The following GPM6A variants were observed in gnomAD, a reference collection of about 807,000 sequenced individuals.
GPM6A encodes glycoprotein M6A, also known as neuronal membrane glycoprotein M6-a.
A neutral mutation model predicts 32.1 loss-of-function variants in GPM6A; 7 were observed. The observed-to-expected ratio is 0.22, with a 90% CI of 0.12 to 0.41. The LOEUF is 0.41. Among genes scored for constraint, GPM6A ranks in the 10% least tolerant of loss-of-function variants. The probability of loss-of-function intolerance (pLI) is 1.00; values close to 1 mark genes in which losing one functional copy is unlikely to be tolerated. For synonymous variants in GPM6A, 130 were observed against 123.4 expected (o/e 1.05, Z -0.35); for missense variants, 235 against 347.2 (o/e 0.68, Z 2.57).
intron 1 of GPM6A, among the ~76,000 whole-genome samples, chr4:175,880,959 G>T (rs922331832): frequency 6.6e-6 from 1 of 152,012 alleles, no homozygotes; most frequent in Non-Finnish European, 1.5e-5. Flanking sequence ...TCCCCGTCTT[G>T]TGCCAGTGGC....
At chr4:175,750,724 T>C (rs1243232677) in intron 1 of GPM6A, among the ~76,000 whole-genome samples, 4 of 151,954 alleles carry the variant, frequency 2.6e-5, no homozygotes, top group Non-Finnish European at 5.9e-5. Flanking sequence ...AGGCATGTGC[T>C]ACCATGCCCA....
At position 175,633,555 on chromosome 4, in the gene GPM6A, C is replaced by T. The variant is rs868292835; in HGVS notation, c.*1350G>A. ...TAGTTTTATACACTGAAAAAAATGT[C>T]TTGTCAGGCTACATCATTTTAGAAG... On this transcript the variant is annotated 3_prime_UTR_variant, in exon 7 of 7. Transcript: ENST00000393658. 45 of 152,514 alleles carry T rather than the reference C, an allele frequency of 3.0e-4. No homozygotes were observed. Among genetic ancestry groups the T allele is most frequent in the African/African-American group, 1.0e-3 (43 of 41,524 alleles). 9.4% of individuals were successfully genotyped at this position (152,514 alleles called of 1,614,324 possible). A position where few individuals can be genotyped will look rare whatever the true frequency, so the allele number is the denominator to read the frequency against.
intron 1 of GPM6A, among the ~76,000 whole-genome samples, chr4:175,760,117 A>C (rs1378675799): frequency 1.3e-5 from 2 of 152,178 alleles, no homozygotes. Flanking sequence ...TGGAGGTTGC[A>C]GTGAGCGGAG....
chr4:175,932,215 T>C (rs1255876297), intron 1 of GPM6A, among the ~76,000 whole-genome samples: 1 of 152,160 alleles, frequency 6.6e-6, no homozygotes, highest in African/African-American at 2.4e-5. Flanking sequence ...TTGCCAGTAC[T>C]ATAGTATTAG....
intron 1 of GPM6A, among the ~76,000 whole-genome samples, chr4:175,776,043 C>A (rs1181063649): frequency 1.3e-5 from 2 of 152,178 alleles, no homozygotes; most frequent in African/African-American, 2.4e-5. Context: ...CCTGACATCA[C>A]TATTAATTTG....
chr4:175,947,383 A>G (rs1021233628), intron 1 of GPM6A, among the ~76,000 whole-genome samples: 1 of 152,064 alleles, frequency 6.6e-6, no homozygotes, highest in African/African-American at 2.4e-5. Flanking sequence ...TCTTAAGTAC[A>G]ATATTAAGTA....
intron 1 of GPM6A, among the ~76,000 whole-genome samples, chr4:175,950,655 A>AT (rs914228811): frequency 2.0e-5 from 3 of 152,094 alleles, no homozygotes; most frequent in African/African-American, 4.8e-5. Context: ...GGGCAGTGCT[A>AT]TTTTTTGCTG....
In GPM6A at chr4:175,676,637, G is replaced by A. The variant is rs535267617; in HGVS notation, c.231-2801C>T. Among the ~76,000 whole-genome samples, 6 of 152,264 alleles carry A rather than the reference G, an allele frequency of 3.9e-5. No individual in the cohort carries two copies. The South Asian group carries it at 1.0e-3, about 26-fold the overall frequency. ...GGCAGAAGGCTGTAGTCCTAGCTAC[G>A]TGGGAGGCTGAAGCTGCAGTATTGT... is the stretch of plus-strand genomic sequence containing the variant. On this transcript the variant is annotated intron_variant, in intron 2 of 6. Transcript: ENST00000393658.
chr4:175,938,408 G>C (rs539617191), intron 1 of GPM6A, among the ~76,000 whole-genome samples: 3 of 152,146 alleles, frequency 2.0e-5, no homozygotes, highest in Non-Finnish European at 4.4e-5. Context: ...AGCCGCGCCA[G>C]CATCTGTTGT....
intron 1 of GPM6A, among the ~76,000 whole-genome samples, chr4:175,978,004 C>T (rs1740711015): frequency 6.6e-6 from 1 of 152,178 alleles, no homozygotes; most frequent in Non-Finnish European, 1.5e-5. Context: ...ATTTTCCAAA[C>T]ATTTAAAAGT....
At chr4:175,691,471 A>G (rs555604447) in intron 2 of GPM6A, among the ~76,000 whole-genome samples, 2 of 152,332 alleles carry the variant, frequency 1.3e-5, no homozygotes, top group South Asian at 4.1e-4. Flanking sequence ...TTCACTGTTT[A>G]TACTACCAGT....
upstream of GPM6A, among the ~76,000 whole-genome samples, chr4:175,817,198 G>A (rs556403177): frequency 2.0e-5 from 3 of 152,300 alleles, no homozygotes; most frequent in East Asian, 5.8e-4. Context: ...CACAAACACT[G>A]CAATGTTTTC....
chr4:175,717,179 T>G (rs1389161857), intron 1 of GPM6A, among the ~76,000 whole-genome samples: 1 of 152,150 alleles, frequency 6.6e-6, no homozygotes, highest in Non-Finnish European at 1.5e-5. Context: ...TTCAATTCGT[T>G]GCAAACCAGC....
rs181244089 is a variant in GPM6A at position 175,931,958 on chromosome 4, G to A, written c.-23+70351C>T. On this transcript the variant is annotated intron_variant, in intron 1 of 7. Transcript: ENST00000280187. Reference sequence around the variant, plus strand: ...TAAATATTAATTAGCCAGGTATGGTGGTGCATGCCTGTAGTCCTAGCTACT... The same window carrying A: ...TAAATATTAATTAGCCAGGTATGGTAGTGCATGCCTGTAGTCCTAGCTACT... Among the ~76,000 whole-genome samples the A allele has an allele frequency of 8.6e-5, 13 of 151,868 alleles. No homozygotes were observed. In the East Asian group the frequency reaches 2.1e-3, roughly 25 times the overall value.
intron 2 of GPM6A, among the ~76,000 whole-genome samples, chr4:175,680,100 T>C (rs1456856402): frequency 6.6e-6 from 1 of 152,210 alleles, no homozygotes; most frequent in East Asian, 1.9e-4. Context: ...CACACATCAA[T>C]ATATGCAACT....
intron 1 of GPM6A, among the ~76,000 whole-genome samples, chr4:175,909,816 A>T (rs1738256588): frequency 6.6e-6 from 1 of 152,204 alleles, no homozygotes; most frequent in East Asian, 1.9e-4. Context: ...GTTAAACAAC[A>T]TATTTAATGA....
intron 1 of GPM6A, among the ~76,000 whole-genome samples, chr4:175,740,297 C>T (rs773348659): frequency 4.6e-5 from 7 of 151,956 alleles, no homozygotes; most frequent in South Asian, 2.1e-4. Context: ...TTTTCTGCCA[C>T]GATATAGCAG....
chr4:175,926,701 G>C (rs968284708), intron 1 of GPM6A, among the ~76,000 whole-genome samples: 1 of 152,060 alleles, frequency 6.6e-6, no homozygotes, highest in Non-Finnish European at 1.5e-5. Context: ...AGAAGAATAT[G>C]TTCCTTTTAG....
chr4:175,928,670 A>C (rs1314421598), intron 1 of GPM6A, among the ~76,000 whole-genome samples: 1 of 152,244 alleles, frequency 6.6e-6, no homozygotes, highest in East Asian at 1.9e-4. Flanking sequence ...CAGAGAACTG[A>C]AAATGCACCA....
Sources: allele counts gnomAD v4.1 joint callset (sites outside exome capture counted in the v4.1 genomes callset), GRCh38; gene constraint gnomAD v4.1.1; transcripts MANE v1.5; gene names NCBI Gene and HGNC (gene_info 2026-07-23, HGNC 2026-07-21).